Variants in ALG9 observed in about 807,000 individuals in gnomAD.
ALG9 encodes the protein alpha-1,2-mannosyltransferase ALG9.
Under a neutral mutation model 81.8 loss-of-function variants are expected in ALG9, and 55 were observed. The ratio of observed to expected loss-of-function variants is 0.67; its 90% CI spans 0.54 to 0.84. The LOEUF is 0.84. Ranked by LOEUF, ALG9 falls within the 40% of genes least tolerant of loss-of-function variation. ALG9 has a pLI of 0.00. For synonymous variants in ALG9, 278 were observed against 274.3 expected (o/e 1.01, Z -0.13); for missense variants, 629 against 745.0 (o/e 0.84, Z 1.81).
intron 10 of ALG9, among the ~76,000 whole-genome samples, chr11:111,839,969 T>C (rs1393264236): frequency 3.3e-5 from 5 of 152,178 alleles, no homozygotes; most frequent in South Asian, 2.1e-4. Flanking sequence ...GGGGGAACAA[T>C]AGCTAAAGGG....
chr11:111,865,122 A>C lies in ALG9; in HGVS notation c.476+59T>G, dbSNP rs545487039. 9 of 1,317,750 alleles carry C rather than the reference A, an allele frequency of 6.8e-6. No homozygotes were observed. The African/African-American group carries it at 1.3e-4, about 20-fold the overall frequency. The allele number at this position is 1,317,750 out of a possible 1,614,324, so 81.6% of individuals were successfully genotyped here. A position where few individuals can be genotyped will look rare whatever the true frequency, so the allele number is the denominator to read the frequency against. On this transcript the variant is annotated intron_variant, in intron 4 of 14. Coordinates refer to ENST00000616540, the MANE Select transcript of ALG9 (RefSeq NM_024740.2). ...CACTGCCTAGACTATCACAACAGAT[A>C]ATCTATGCAATAATGGGTTTCCTCA...
At chr11:111,869,812 C>A (rs1162477961) in intron 2 of ALG9, among the ~76,000 whole-genome samples, 4 of 152,074 alleles carry the variant, frequency 2.6e-5, no homozygotes, top group African/African-American at 9.7e-5. Context: ...ACATAATGAG[C>A]CCCCATCTCT....
In ALG9 at chr11:111,785,416, C is replaced by T. The variant is rs1227098369; in HGVS notation, c.*981G>A. The T allele has an allele frequency of 6.6e-6, 1 of 152,552 alleles. No homozygotes were observed. The highest frequency in any genetic ancestry group is 1.5e-5 in the Non-Finnish European group (1 of 68,380). 9.4% of individuals were successfully genotyped at this position (152,552 alleles called of 1,614,324 possible). A position where few individuals can be genotyped will look rare whatever the true frequency, so the allele number is the denominator to read the frequency against. ...ATTGCCTATTTGACTAGAAGTGCCC[C>T]ATGCAGGATGTGCCTCACAACAGAC... On this transcript the variant is annotated 3_prime_UTR_variant, in exon 15 of 15. Coordinates refer to ENST00000616540, the MANE Select transcript of ALG9 (RefSeq NM_024740.2).
chr11:111,851,981 T>C (rs1352300180), intron 8 of ALG9, among the ~76,000 whole-genome samples: 1 of 152,224 alleles, frequency 6.6e-6, no homozygotes, highest in Non-Finnish European at 1.5e-5. Context: ...CTGCTTATCT[T>C]AAACTATTAC....
intron 10 of ALG9, among the ~76,000 whole-genome samples, chr11:111,839,008 A>C (rs1555120688): frequency 6.6e-6 from 1 of 152,148 alleles, no homozygotes; most frequent in African/African-American, 2.4e-5. Flanking sequence ...CAATTTTCCA[A>C]TATATAACAA....
chr11:111,800,519 C>G (rs1948950680), intron 14 of ALG9, among the ~76,000 whole-genome samples: 1 of 151,426 alleles, frequency 6.6e-6, no homozygotes, highest in Non-Finnish European at 1.5e-5. Flanking sequence ...AAGAATCTAA[C>G]TCTATAACAA....
At chr11:111,844,042 C>T (rs1259052651) in intron 9 of ALG9, among the ~76,000 whole-genome samples, 9 of 152,086 alleles carry the variant, frequency 5.9e-5, no homozygotes, top group African/African-American at 2.2e-4. Context: ...TTGCTCTTGT[C>T]GCTCAGCTGG....
intron 3 of ALG9, among the ~76,000 whole-genome samples, chr11:111,867,160 G>T (rs1355025910): frequency 6.6e-6 from 1 of 152,154 alleles, no homozygotes; most frequent in Non-Finnish European, 1.5e-5. Context: ...GGAAGGGAGG[G>T]ACAGTATTTT....
At position 111,864,344 on chromosome 11, in the gene ALG9, GCAGCTGCAGACTTCAAACAAT is replaced by G. The variant is rs1347831779; in HGVS notation, c.476+816_476+836del. ...GCTCAACTGCATAAAAGTTTCCCAG[GCAGCTGCAGACTTCAAACAAT>G]TCTGTCTGCAGAATGTTCAACATGA... On this transcript the variant is annotated intron_variant, in intron 4 of 14. Transcript: ENST00000616540. 1.4e-5 allele frequency: 11 copies of G among 779,156 alleles called. No homozygotes were observed. The African/African-American group carries it at 1.9e-4, about 13-fold the overall frequency. The allele number at this position is 779,156 out of a possible 1,614,324, so 48.3% of individuals were successfully genotyped here.
chr11:111,785,083 T>A lies in ALG9; in HGVS notation c.*1314A>T, dbSNP rs992883473. 1 of 152,690 alleles carries A rather than the reference T, an allele frequency of 6.5e-6. No homozygotes were observed. The highest frequency in any genetic ancestry group is 2.4e-5 in the African/African-American group (1 of 41,456). The allele number at this position is 152,690 out of a possible 1,614,324, so 9.5% of individuals were successfully genotyped here. A position where few individuals can be genotyped will look rare whatever the true frequency, so the allele number is the denominator to read the frequency against. ...TCAGTCCTTTCAAGTAATGTTTTCATGGTTGAGTGAGGAATATGGAGGAGC... is the reference window on the plus strand; with the variant it reads ...TCAGTCCTTTCAAGTAATGTTTTCAAGGTTGAGTGAGGAATATGGAGGAGC... On this transcript the variant is annotated 3_prime_UTR_variant, in exon 15 of 15. Transcript: ENST00000616540.
chr11:111,865,574 C>G (rs1962097047), intron 3 of ALG9, among the ~76,000 whole-genome samples: 1 of 152,140 alleles, frequency 6.6e-6, no homozygotes, highest in Admixed American at 6.5e-5. Context: ...AGCTCATGGA[C>G]AATTATACAG....
At position 111,850,326 on chromosome 11, in the gene ALG9, A is replaced by C. The variant is rs377041616; in HGVS notation, c.895+3054T>G. Among the ~76,000 whole-genome samples, 4 of 152,264 alleles carry C rather than the reference A, an allele frequency of 2.6e-5. No individual in the cohort carries two copies. In the South Asian group the frequency reaches 6.2e-4, roughly 24 times the overall value. On this transcript the variant is annotated intron_variant, in intron 8 of 14. Coordinates refer to ENST00000616540, the MANE Select transcript of ALG9 (RefSeq NM_024740.2). ...TGACAGATCTTTCCTGTAAGTCTGGAATATACAAGGAATTCCTACTCCTAA... is the reference window on the plus strand; with the variant it reads ...TGACAGATCTTTCCTGTAAGTCTGGCATATACAAGGAATTCCTACTCCTAA...
chr11:111,849,685 G>T (rs1957464640), intron 8 of ALG9: 1 of 151,650 alleles, frequency 6.6e-6, no homozygotes, highest in Admixed American at 6.6e-5. Flanking sequence ...GTGTCCATGT[G>T]TTCTCATCGT....
intron 14 of ALG9, among the ~76,000 whole-genome samples, chr11:111,790,068 T>A (rs1345082485): frequency 6.6e-6 from 1 of 151,906 alleles, no homozygotes; most frequent in African/African-American, 2.4e-5. Context: ...ACTGGGGATA[T>A]ATTATCATCA....
chr11:111,866,140 C>CA (rs1555152626), intron 3 of ALG9, among the ~76,000 whole-genome samples: 3 of 151,912 alleles, frequency 2.0e-5, no homozygotes, highest in African/African-American at 7.3e-5. Context: ...ACTAAAAATA[C>CA]AAAAAAATTA....
At chr11:111,859,416 C>T (rs1323057899) in intron 5 of ALG9, among the ~76,000 whole-genome samples, 2 of 151,752 alleles carry the variant, frequency 1.3e-5, no homozygotes, top group East Asian at 3.9e-4. Context: ...GCAAGAGAAT[C>T]GCTTGAACCT....
intron 14 of ALG9, among the ~76,000 whole-genome samples, chr11:111,799,216 G>A (rs986105393): frequency 4.6e-5 from 7 of 152,012 alleles, no homozygotes; most frequent in Non-Finnish European, 7.4e-5. Flanking sequence ...GTGCGATCTC[G>A]GCTCACTGCA....
intron 14 of ALG9, among the ~76,000 whole-genome samples, chr11:111,807,328 C>G (rs1461096214): frequency 7.9e-5 from 12 of 152,264 alleles, no homozygotes; most frequent in Admixed American, 3.3e-4. Flanking sequence ...GCCTCACTGG[C>G]CTCCTGTTTC....
At chr11:111,843,457 C>T (rs1225175395) in intron 9 of ALG9, among the ~76,000 whole-genome samples, 4 of 152,058 alleles carry the variant, frequency 2.6e-5, no homozygotes, top group East Asian at 1.9e-4. Context: ...ATTATGGCTA[C>T]GTTGAAACAA....
Sources: allele counts gnomAD v4.1 joint callset (sites outside exome capture counted in the v4.1 genomes callset), GRCh38; gene constraint gnomAD v4.1.1; transcripts MANE v1.5; gene names NCBI Gene and HGNC (gene_info 2026-07-23, HGNC 2026-07-21).